Variants in TRHDE observed in about 807,000 individuals in gnomAD.
TRHDE encodes thyrotropin-releasing hormone-degrading ectoenzyme.
Under a neutral mutation model 125.7 loss-of-function variants are expected in TRHDE, and 72 were observed. The observed-to-expected ratio is 0.57, with a 90% CI of 0.47 to 0.70. TRHDE has a LOEUF of 0.70. TRHDE is among the 30% of genes least tolerant of loss of function. The probability of loss-of-function intolerance (pLI) is 0.00; values close to 1 mark genes in which losing one functional copy is unlikely to be tolerated. For synonymous variants in TRHDE, 509 were observed against 509.1 expected (o/e 1.00, Z 0.00); for missense variants, 1,110 against 1,327.1 (o/e 0.84, Z 2.54).
chr12:72,150,481 T>C (rs7314321), intron 2 of TRHDE, among the ~76,000 whole-genome samples: 6,401 of 151,414 alleles, frequency 0.042, 455 homozygotes, highest in African/African-American at 0.15. Context: ...ATGTGCCATG[T>C]TGGTGTGCTG....
Position 72,670,730 on chromosome 12 carries a change from T to C in TRHDE, c.*7535T>C, listed in dbSNP as rs1875226894. ...CAATTTGTTCTCCTTTCTAATTATA[T>C]GCCTTTAGAATAAATGAAATGATCT... On this transcript the variant is annotated 3_prime_UTR_variant, in exon 19 of 19. Coordinates refer to ENST00000261180, the MANE Select transcript of TRHDE (RefSeq NM_013381.3). 6.6e-6 allele frequency: 1 copy of C among 151,796 alleles called. No homozygotes were observed. The highest frequency in any genetic ancestry group is 1.5e-5 in the Non-Finnish European group (1 of 67,836). The allele number at this position is 151,796 out of a possible 1,614,324, so 9.4% of individuals were successfully genotyped here. A position where few individuals can be genotyped will look rare whatever the true frequency, so the allele number is the denominator to read the frequency against.
At chr12:72,601,708 G>A (rs61926613) in intron 12 of TRHDE, among the ~76,000 whole-genome samples, 1,878 of 152,180 alleles carry the variant, frequency 0.012, 21 homozygotes, top group Non-Finnish European at 0.018. Context: ...ATTACTAAAC[G>A]CTTAGATGAT....
In TRHDE at chr12:72,652,408, T is replaced by A. The variant is rs767883512; in HGVS notation, c.2762T>A (p.Phe921Tyr). The change falls in exon 16 of 19, where the codon TTC becomes TAC. Residue 921 changes from phenylalanine (F) to tyrosine (Y), a missense_variant. By Grantham distance (22) the Phe-to-Tyr change is conservative. Coordinates refer to ENST00000261180, the MANE Select transcript of TRHDE (RefSeq NM_013381.3). ...GTCTGGGAATTCATATGGATGAAAT[T>A]CCATTCCACCACAGCAGTTTCTGAG... ...EDVWEFIWMK[F>Y]HSTTAVSEKK... 1.5e-5 allele frequency: 24 copies of A among 1,608,194 alleles called. 1 individual carries two copies. The East Asian group carries it at 5.4e-4, about 36-fold the overall frequency.
intron 1 of TRHDE, among the ~76,000 whole-genome samples, chr12:72,284,280 G>A (rs911991529): frequency 4.6e-5 from 7 of 152,064 alleles, no homozygotes; most frequent in Admixed American, 2.6e-4. Context: ...GACAATATTC[G>A]TTCAGTGATT....
At chr12:72,380,739 C>G (rs1339675725) in intron 3 of TRHDE, among the ~76,000 whole-genome samples, 1 of 95,376 alleles carries the variant, frequency 1.0e-5, no homozygotes, top group African/African-American at 6.4e-5. Flanking sequence ...TCCTTGCTTC[C>G]TTCCTTCCTT....
chr12:72,150,472 T>C (rs538466703), intron 2 of TRHDE, among the ~76,000 whole-genome samples: 4 of 151,528 alleles, frequency 2.6e-5, no homozygotes, highest in Admixed American at 2.0e-4. Flanking sequence ...TATGTATACA[T>C]GTGCCATGTT....
intron 2 of TRHDE, among the ~76,000 whole-genome samples, chr12:72,164,186 G>A (rs1876694635): frequency 6.6e-6 from 1 of 152,124 alleles, no homozygotes; most frequent in African/African-American, 2.4e-5. Context: ...TAGTTTTTTT[G>A]ACATGGCTGT....
chr12:72,407,412 G>A (rs764339703), intron 3 of TRHDE, among the ~76,000 whole-genome samples: 3 of 152,142 alleles, frequency 2.0e-5, no homozygotes, highest in Non-Finnish European at 4.4e-5. Context: ...AGCAAGAGAC[G>A]TGGAGCATTT....
At chr12:72,546,557 T>C (rs1200822404) in intron 7 of TRHDE, among the ~76,000 whole-genome samples, 1 of 151,656 alleles carries the variant, frequency 6.6e-6, no homozygotes, top group Non-Finnish European at 1.5e-5. Flanking sequence ...TTAATGACAT[T>C]ACCTTCTTTA....
intron 3 of TRHDE, among the ~76,000 whole-genome samples, chr12:72,414,969 G>C (rs551540165): frequency 6.6e-6 from 1 of 152,074 alleles, no homozygotes; most frequent in Non-Finnish European, 1.5e-5. Context: ...ACTAAACAAG[G>C]ATTTGAGTTT....
At chr12:72,230,114 C>T (rs1391934721) in intron 2 of TRHDE, among the ~76,000 whole-genome samples, 1 of 151,978 alleles carries the variant, frequency 6.6e-6, no homozygotes, top group African/African-American at 2.4e-5. Context: ...ACTGTTGTGC[C>T]CATGAGAACA....
chr12:72,130,030 G>A lies in TRHDE; in HGVS notation n.279+24278G>A, dbSNP rs548234470. ...AAAGATTACGTTTTAGACTGGGCGC[G>A]GTGGCTCACGCCTGTAATCCCAGCA... On this transcript the variant is annotated intron_variant and non_coding_transcript_variant, in intron 2 of 4. Coordinates refer to the TRHDE transcript ENST00000548156. Among the ~76,000 whole-genome samples the A allele has an allele frequency of 3.5e-4, 53 of 152,304 alleles. No homozygotes were observed. In the South Asian group the frequency reaches 8.9e-3, roughly 26 times the overall value.
intron 12 of TRHDE, among the ~76,000 whole-genome samples, chr12:72,584,009 C>G (rs1390319450): frequency 1.2e-5 from 1 of 84,400 alleles, no homozygotes; most frequent in Non-Finnish European, 1.9e-5. Context: ...CGGCTCACTG[C>G]AGGCTCCGCC....
intron 2 of TRHDE, among the ~76,000 whole-genome samples, chr12:72,330,930 G>A (rs1225067808): frequency 2.0e-5 from 3 of 152,112 alleles, no homozygotes; most frequent in Admixed American, 6.5e-5. Context: ...TAATTCAAGA[G>A]GTCTGGGGTG....
chr12:72,320,727 G>C (rs7961773), intron 2 of TRHDE, among the ~76,000 whole-genome samples: 126,004 of 152,166 alleles, frequency 0.83, 52,313 homozygotes, highest in East Asian at 0.92. Context: ...TGGGTCAGCC[G>C]TTTTGCTTAT....
chr12:72,633,349 T>G lies in TRHDE; in HGVS notation c.2675+11598T>G, dbSNP rs797020413. On this transcript the variant is annotated intron_variant, in intron 15 of 18. Transcript: ENST00000261180. ...TATTAAGAAGTACTGAATATCATTT[T>G]AGAACATATTCAGATAATTTTAAAT... Among the ~76,000 whole-genome samples, 13 of 152,128 alleles carry G rather than the reference T, an allele frequency of 8.5e-5. No individual in the cohort carries two copies. In the South Asian group the frequency reaches 1.7e-3, roughly 19 times the overall value.
intron 2 of TRHDE, among the ~76,000 whole-genome samples, chr12:72,118,491 C>G (rs1875500430): frequency 6.6e-6 from 1 of 152,090 alleles, no homozygotes; most frequent in African/African-American, 2.4e-5. Context: ...CAGTATTCAT[C>G]AGGGATATTG....
At chr12:72,165,403 T>C (rs1354912103) in intron 2 of TRHDE, among the ~76,000 whole-genome samples, 1 of 152,194 alleles carries the variant, frequency 6.6e-6, no homozygotes, top group Non-Finnish European at 1.5e-5. Context: ...TCAGCAATTA[T>C]TGATATTGGT....
Position 72,273,027 on chromosome 12 carries a change from T to G in TRHDE, c.384T>G (p.Phe128Leu). The G allele has an allele frequency of 6.5e-7, 1 of 1,538,724 alleles. No individual in the cohort carries two copies. The highest frequency in any genetic ancestry group is 1.9e-5 in the Admixed American group (1 of 51,686). The change falls in exon 1 of 19, where the codon TTT becomes TTG. Residue 128 changes from phenylalanine (F) to leucine (L), a missense_variant. Around this residue, in one of 5 missense-constraint regions of TRHDE, gnomAD observed 248 missense variants for 240.8 expected, o/e 1.03. Transcript: ENST00000261180. The surrounding 1 kb of genome is among the most constrained non-coding windows in gnomAD (Gnocchi z 5.3). The stretch of plus-strand genomic sequence containing the variant: ...GCGCCGACGGTGGCCCCTCAGGCTT[T>G]CCGGAGCGCGGCGGCAACGGGAGCC... The part of the protein sequence containing the change: ...TPGADGGPSG[F>L]PERGGNGSLP...
Sources: gnomAD v4.1 joint callset for allele counts (sites outside exome capture counted in the v4.1 genomes callset) on GRCh38, gnomAD v4.1.1 for gene constraint, gnomAD v4.1.1 regional missense constraint, Gnocchi (gnomAD v3.1) non-coding constraint, MANE v1.5 for transcripts, NCBI Gene and HGNC (gene_info 2026-07-23, HGNC 2026-07-21) for gene names.